Variants in CCDC146 observed in about 807,000 individuals in gnomAD.
The protein encoded by CCDC146 is coiled-coil domain containing 146, also known as coiled-coil domain-containing protein 146.
A neutral mutation model predicts 119.3 loss-of-function variants in CCDC146; 92 were observed. The observed-to-expected ratio is 0.77, with a 90% confidence interval of 0.65 to 0.92. CCDC146 has a LOEUF of 0.92. Among genes scored for constraint, CCDC146 ranks in the 40% least tolerant of loss-of-function variants. The probability of loss-of-function intolerance (pLI) is 0.00; values close to 1 mark genes in which losing one functional copy is unlikely to be tolerated. For synonymous variants in CCDC146, 372 were observed against 371.8 expected, an observed-to-expected ratio of 1.00 and a Z score of -0.01; for missense variants, 1,000 against 1,103.0, an observed-to-expected ratio of 0.91 and a Z score of 1.32.
chr7:77,217,469 T>C (rs1792321057), intron 2 of CCDC146, among the ~76,000 whole-genome samples: 1 of 151,892 alleles, frequency 6.6e-6, no homozygotes. Context: ...TATGTGAAAA[T>C]ATATACATAT....
intron 2 of CCDC146, among the ~76,000 whole-genome samples, chr7:77,183,429 G>C (rs1791618928): frequency 6.6e-6 from 1 of 152,094 alleles, no homozygotes; most frequent in Non-Finnish European, 1.5e-5. Context: ...CAAGGATTAA[G>C]TGTCACCATC....
At chr7:77,230,017 C>G (rs1354265190) in intron 2 of CCDC146, among the ~76,000 whole-genome samples, 1 of 152,230 alleles carries the variant, frequency 6.6e-6, no homozygotes, top group African/African-American at 2.4e-5. Flanking sequence ...TCTGCCCACT[C>G]TGGATATTTC....
At chr7:77,134,589 G>C (rs1790835458) in intron 1 of CCDC146, among the ~76,000 whole-genome samples, 1 of 151,336 alleles carries the variant, frequency 6.6e-6, no homozygotes, top group Non-Finnish European at 1.5e-5. Context: ...GTGTGTGTGT[G>C]TGTGTGTGTC....
chr7:77,229,683 T>C lies in CCDC146; in HGVS notation c.157-7264T>C, dbSNP rs372772866. On this transcript the variant is annotated intron_variant, in intron 2 of 18. Coordinates refer to ENST00000285871, the MANE Select transcript of CCDC146 (RefSeq NM_020879.3). ...AAGCTAGGGAAAAAAATTTTAAGCA[T>C]GAGTTAGTTCATACTTGTATTTGCA... Among the ~76,000 whole-genome samples the C allele has an allele frequency of 5.6e-4, 86 of 152,334 alleles. No individual in the cohort carries two copies. The South Asian group carries it at 0.017, about 30-fold the overall frequency.
chr7:77,130,597 CTTTTTTT>C (rs34309739), intron 1 of CCDC146, among the ~76,000 whole-genome samples: 5 of 125,758 alleles, frequency 4.0e-5, no homozygotes, highest in African/African-American at 6.4e-5. Context: ...TCCTTTCTTT[CTTTTTTT>C]TTTTTTTTTT....
intron 2 of CCDC146, among the ~76,000 whole-genome samples, chr7:77,181,105 G>A (rs1444063983): frequency 1.3e-5 from 2 of 152,266 alleles, no homozygotes; most frequent in Non-Finnish European, 2.9e-5. Context: ...CTGAAGGAAG[G>A]GACACATCAT....
intron 5 of CCDC146, among the ~76,000 whole-genome samples, chr7:77,256,031 G>A (rs3114320): frequency 0.94 from 142,596 of 152,272 alleles, 66,900 homozygotes; most frequent in African/African-American, 0.98. Context: ...AATAAAAATT[G>A]ACACATAAAA....
chr7:77,180,210 C>A (rs568217401), intron 2 of CCDC146, among the ~76,000 whole-genome samples: 122 of 147,720 alleles, frequency 8.3e-4, no homozygotes, highest in Non-Finnish European at 1.7e-3. Flanking sequence ...ATATATGCAC[C>A]CATATGTATG....
At chr7:77,124,735 G>A (rs1354252383) in intron 1 of CCDC146, among the ~76,000 whole-genome samples, 1 of 152,212 alleles carries the variant, frequency 6.6e-6, no homozygotes, top group Non-Finnish European at 1.5e-5. Flanking sequence ...TGGTAGGAGT[G>A]TTAAGTTAGC....
chr7:77,265,785 C>T (rs566309112), intron 9 of CCDC146, among the ~76,000 whole-genome samples: 1 of 152,324 alleles, frequency 6.6e-6, no homozygotes, highest in East Asian at 1.9e-4. Flanking sequence ...GAAGTAAATT[C>T]CACAAAGGCA....
intron 1 of CCDC146, 66 bp from the exon 2 acceptor site, chr7:77,167,592 C>T: frequency 6.9e-6 from 8 of 1,160,894 alleles, no homozygotes; most frequent in Non-Finnish European, 9.1e-6. Context: ...TTATTATTTT[C>T]CATTAATTTT....
Position 77,147,506 on chromosome 7 carries a change from C to G in CCDC146, c.-11-20152C>G, listed in dbSNP as rs566820382. On this transcript the variant is annotated intron_variant, in intron 1 of 18. Coordinates refer to ENST00000285871, the MANE Select transcript of CCDC146 (RefSeq NM_020879.3). The stretch of plus-strand genomic sequence containing the variant: ...GTGCTCTGATTTTTAGAATTTTCAG[C>G]TTTTCTGCTCTGTTTTTTCCCTGTC... Among the ~76,000 whole-genome samples, 4 of 152,260 alleles carry G rather than the reference C, an allele frequency of 2.6e-5. No homozygotes were observed. The South Asian group carries it at 8.3e-4, about 32-fold the overall frequency.
At chr7:77,292,878 A>C in intron 17 of CCDC146, 74 bp from the exon 18 acceptor site, 1 of 1,497,810 alleles carries the variant, frequency 6.7e-7, no homozygotes, top group Non-Finnish European at 9.0e-7. Flanking sequence ...GCCATTATAG[A>C]CAGCCAGCAG....
chr7:77,271,479 T>TATATATA (rs1491134992), intron 9 of CCDC146, among the ~76,000 whole-genome samples: 3 of 73,818 alleles, frequency 4.1e-5, no homozygotes, highest in Admixed American at 1.3e-4. Flanking sequence ...CCTTTTTATT[T>TATATATA]TATATATATA....
Position 77,256,347 on chromosome 7 carries a change from G to A in CCDC146, c.522G>A (p.Lys174=). The change falls in exon 6 of 19, where the codon AAG becomes AAA. Residue 174 remains lysine (K), a synonymous_variant. Transcript: ENST00000285871. Reference sequence around the variant, plus strand: ...GACTTTTAAAGGAAATGGAGAAGAAGATGAAAATATTGAGAGAAAGCACTG... The same window carrying A: ...GACTTTTAAAGGAAATGGAGAAGAAAATGAAAATATTGAGAGAAAGCACTG... ...KITKPGEMEK[K]MKILRESTEE... is the part of the protein sequence containing the mutation. The A allele has an allele frequency of 6.3e-7, 1 of 1,591,750 alleles. No individual in the cohort carries two copies. Among genetic ancestry groups the A allele is most frequent in the Non-Finnish European group, 8.5e-7 (1 of 1,172,656 alleles).
chr7:77,125,256 T>C (rs1286035406), intron 1 of CCDC146, among the ~76,000 whole-genome samples: 1 of 143,612 alleles, frequency 7.0e-6, no homozygotes, highest in Non-Finnish European at 1.5e-5. Flanking sequence ...ATATAGCTGA[T>C]ATATTATGCA....
chr7:77,269,796 T>C (rs797014059), intron 9 of CCDC146, among the ~76,000 whole-genome samples: 78 of 152,358 alleles, frequency 5.1e-4, no homozygotes, highest in African/African-American at 1.7e-3. Flanking sequence ...GGTTTTGTTC[T>C]AGTACAGTTT....
At chr7:77,184,922 A>T (rs1001014756) in intron 2 of CCDC146, among the ~76,000 whole-genome samples, 1 of 152,198 alleles carries the variant, frequency 6.6e-6, no homozygotes, top group Non-Finnish European at 1.5e-5. Flanking sequence ...ATCATTTTCC[A>T]CTTCCTGGAT....
At chr7:77,211,609 T>TTTTATTTA (rs373598499) in intron 2 of CCDC146, among the ~76,000 whole-genome samples, 3 of 151,666 alleles carry the variant, frequency 2.0e-5, no homozygotes, top group Non-Finnish European at 2.9e-5. Flanking sequence ...TTTTTTTTAT[T>TTTTATTTA]TTTATTTATT....
Sources: allele counts gnomAD v4.1 joint callset (sites outside exome capture counted in the v4.1 genomes callset), GRCh38; gene constraint gnomAD v4.1.1; transcripts MANE v1.5; gene names NCBI Gene and HGNC (gene_info 2026-07-23, HGNC 2026-07-21).